The following ITPR3 variants were observed in gnomAD, a reference collection of about 807,000 sequenced individuals.
ITPR3 encodes inositol 1,4,5-trisphosphate-gated calcium channel ITPR3.
ITPR3 carries 173 observed loss-of-function variants against 293.2 expected under a neutral mutation model. The observed-to-expected ratio is 0.59, with a 90% CI of 0.52 to 0.67. The LOEUF is 0.67. Among genes scored for constraint, ITPR3 ranks in the 30% least tolerant of loss-of-function variants. The probability of loss-of-function intolerance (pLI) is 0.00; values close to 1 mark genes in which losing one functional copy is unlikely to be tolerated. For synonymous variants in ITPR3, 1,295 were observed against 1,444.4 expected (o/e 0.90, Z 2.35); for missense variants, 2,796 against 3,592.1 (o/e 0.78, Z 5.66).
chr6:33,684,061 A>C lies in ITPR3; in HGVS notation c.4830A>C (p.Val1610=). ...TGGAGGAGCGGCTGAAGCCCCTGGT[A>C]CAGGCTGAGCTGTCCGTGCTGGTGG... is the stretch of plus-strand genomic sequence containing the variant. ...TALEERLKPL[V]QAELSVLVDV... The change falls in exon 36 of 58, where the codon GTA becomes GTC. Residue 1610 remains valine (V), a synonymous_variant. Transcript: ENST00000605930. The surrounding 1 kb of genome is among the most constrained non-coding windows in gnomAD (Gnocchi z 4.2). 6.2e-7 allele frequency: 1 copy of C among 1,611,496 alleles called. No individual in the cohort carries two copies. The highest frequency in any genetic ancestry group is 8.5e-7 in the Non-Finnish European group (1 of 1,179,896).
rs968695845 is a variant in ITPR3 at position 33,672,538 on chromosome 6, C to T, written c.2928+310C>T. 1.3e-5 allele frequency among the ~76,000 whole-genome samples: 2 copies of T among 151,844 alleles called. No homozygotes were observed. Among genetic ancestry groups the T allele is most frequent in the African/African-American group, 2.4e-5 (1 of 41,312 alleles). On this transcript the variant is annotated intron_variant, in intron 22 of 57. Coordinates refer to ENST00000605930, the MANE Select transcript of ITPR3 (RefSeq NM_002224.4). This position sits in a 1 kb window ranked among gnomAD's most constrained non-coding sequence, Gnocchi z 5.0. ...TTCAAGACCTGCCTGGGTGAGACCC[C>T]GTCTCTATTAAAAAAAATAGTAATA...
Position 33,688,645 on chromosome 6 carries a change from C to G in ITPR3, c.6569-11C>G. 6.2e-7 allele frequency: 1 copy of G among 1,613,990 alleles called. No homozygotes were observed. The highest frequency in any genetic ancestry group is 8.5e-7 in the Non-Finnish European group (1 of 1,179,946). On this transcript the variant is annotated splice_polypyrimidine_tract_variant and intron_variant, in intron 48 of 57. Coordinates refer to ENST00000605930, the MANE Select transcript of ITPR3 (RefSeq NM_002224.4). ...GGCCCTCCAGCAGCTCACCGTTGCCCTCCTCTTCAGGCATGCCGCTGATCT... is the reference window on the plus strand; with the variant it reads ...GGCCCTCCAGCAGCTCACCGTTGCCGTCCTCTTCAGGCATGCCGCTGATCT...
intron 25 of ITPR3, among the ~76,000 whole-genome samples, chr6:33,676,503 G>A (rs1315284735): frequency 6.6e-6 from 1 of 152,256 alleles, no homozygotes; most frequent in Non-Finnish European, 1.5e-5. Flanking sequence ...AGCCACATGT[G>A]ACACTAGTCA....
chr6:33,687,202 T>C lies in ITPR3; in HGVS notation c.6076-24T>C, dbSNP rs200700299. ...GCCCTACCGCCCTAGGAAGAGAGCA[T>C]TGGAACAGGCACTGCCCCTCCAGGT... is the stretch of plus-strand genomic sequence containing the variant. On this transcript the variant is annotated intron_variant, in intron 44 of 57. Transcript: ENST00000605930. This position sits in a 1 kb window ranked among gnomAD's most constrained non-coding sequence, Gnocchi z 5.3. 10 of 1,600,304 alleles carry C rather than the reference T, an allele frequency of 6.2e-6. No homozygotes were observed. The African/African-American group carries it at 8.0e-5, about 13-fold the overall frequency.
At position 33,658,862 on chromosome 6, in the gene ITPR3, G is replaced by A; in HGVS notation, c.528+34G>A. 6.2e-7 allele frequency: 1 copy of A among 1,612,538 alleles called. No homozygotes were observed. Among genetic ancestry groups the A allele is most frequent in the African/African-American group, 1.3e-5 (1 of 75,020 alleles). ...AGGGCCAGGGTTGGAGGGGCCTGGTGGAACTCCCGAGGGGCTTCTGTAGGG... is the reference window on the plus strand; with the variant it reads ...AGGGCCAGGGTTGGAGGGGCCTGGTAGAACTCCCGAGGGGCTTCTGTAGGG... On this transcript the variant is annotated intron_variant, in intron 5 of 57. Coordinates refer to ENST00000605930, the MANE Select transcript of ITPR3 (RefSeq NM_002224.4). The surrounding 1 kb of genome is among the most constrained non-coding windows in gnomAD (Gnocchi z 6.1).
At chr6:33,663,930 GC>G (rs1347156933) in intron 11 of ITPR3, 50 bp downstream of exon 11, 1 of 1,604,354 alleles carries the variant, frequency 6.2e-7, no homozygotes. Flanking sequence ...CTCAGGGTGG[GC>G]CCTCCTGTCT....
Position 33,679,490 on chromosome 6 carries a change from T to C in ITPR3, c.3973-392T>C, listed in dbSNP as rs558806850. Among the ~76,000 whole-genome samples the C allele has an allele frequency of 1.3e-5, 2 of 152,340 alleles. No homozygotes were observed. Among genetic ancestry groups the C allele is most frequent in the East Asian group, 3.9e-4 (2 of 5,186 alleles). On this transcript the variant is annotated intron_variant, in intron 30 of 57. Transcript: ENST00000605930. The surrounding 1 kb of genome is among the most constrained non-coding windows in gnomAD (Gnocchi z 4.2). Reference sequence around the variant, plus strand: ...AGTTTTATTAATTTCTATTATTATATTACTGCGAATAATGCAGTCGCTGGC... The same window carrying C: ...AGTTTTATTAATTTCTATTATTATACTACTGCGAATAATGCAGTCGCTGGC...
At chr6:33,643,549 G>C (rs138417215) in intron 2 of ITPR3, among the ~76,000 whole-genome samples, 1 of 152,226 alleles carries the variant, frequency 6.6e-6, no homozygotes, top group South Asian at 2.1e-4. Context: ...GTAACGTTTC[G>C]GGCTGTGGCT....
At position 33,666,126 on chromosome 6, in the gene ITPR3, T is replaced by G. The variant is rs940393538; in HGVS notation, c.1551+150T>G. On this transcript the variant is annotated intron_variant, in intron 14 of 57. Coordinates refer to ENST00000605930, the MANE Select transcript of ITPR3 (RefSeq NM_002224.4). The surrounding 1 kb of genome is among the most constrained non-coding windows in gnomAD (Gnocchi z 5.1). The stretch of plus-strand genomic sequence containing the variant: ...GACTTCCCTAAGTACCCCACATGTG[T>G]TGACGAATTTGATCCTCACTGCCTG... The G allele has an allele frequency of 4.7e-6, 4 of 859,338 alleles. No homozygotes were observed. The highest frequency in any genetic ancestry group is 6.9e-6 in the Non-Finnish European group (4 of 583,062). 53.2% of individuals were successfully genotyped at this position (859,338 alleles called of 1,614,324 possible).
At chr6:33,642,063 C>T (rs1167993876) in intron 2 of ITPR3, among the ~76,000 whole-genome samples, 1 of 152,202 alleles carries the variant, frequency 6.6e-6, no homozygotes, top group African/African-American at 2.4e-5. Flanking sequence ...GTCTGCCACA[C>T]GGCAGATCCC....
At position 33,690,096 on chromosome 6, in the gene ITPR3, C is replaced by T. The variant is rs201346869; in HGVS notation, c.6930C>T (p.Gly2310=). The T allele has an allele frequency of 1.2e-6, 2 of 1,614,168 alleles. No homozygotes were observed. The highest frequency in any genetic ancestry group is 1.3e-5 in the African/African-American group (1 of 75,018). Residue 2310 remains glycine (G), a synonymous_variant, in exon 51 of 58, where the codon GGC becomes GGT. Coordinates refer to ENST00000605930, the MANE Select transcript of ITPR3 (RefSeq NM_002224.4). Reference sequence around the variant, plus strand: ...GCAACCGTGGCACCTTCATCCGGGGCTATAAGGCCATGGTCATGGACATGG... The same window carrying T: ...GCAACCGTGGCACCTTCATCCGGGGTTATAAGGCCATGGTCATGGACATGG... The part of the protein sequence containing the change: ...FVGNRGTFIR[G]YKAMVMDMEF...
intron 1 of ITPR3, among the ~76,000 whole-genome samples, chr6:33,626,262 G>T (rs1236617433): frequency 6.6e-6 from 1 of 152,152 alleles, no homozygotes; most frequent in African/African-American, 2.4e-5. Context: ...ACAAGGCCCT[G>T]CCTTCTCAGA....
In ITPR3 at chr6:33,662,519, T is replaced by G; in HGVS notation, c.712-9T>G. ...GCAGCCATCCTGAGCCACACCCTGCTGCCTGCAGGGAGACGTGGTGCGGCT... is the reference window on the plus strand; with the variant it reads ...GCAGCCATCCTGAGCCACACCCTGCGGCCTGCAGGGAGACGTGGTGCGGCT... On this transcript the variant is annotated splice_polypyrimidine_tract_variant and intron_variant, in intron 7 of 57. Transcript: ENST00000605930. The G allele has an allele frequency of 6.3e-7, 1 of 1,577,816 alleles. No individual in the cohort carries two copies. The highest frequency in any genetic ancestry group is 8.6e-7 in the Non-Finnish European group (1 of 1,164,750).
Position 33,690,074 on chromosome 6 carries a change from A to AGCC in ITPR3, c.6908_6909insGCC (p.Asn2303delinsLysPro). 6.2e-7 allele frequency: 1 copy of AGCC among 1,614,212 alleles called. No homozygotes were observed. Among genetic ancestry groups the AGCC allele is most frequent in the Non-Finnish European group, 8.5e-7 (1 of 1,180,038 alleles). ...GTGTTTGTGGTGAGCTTCGTGGGCA[A>AGCC]CCGTGGCACCTTCATCCGGGGCTAT... On this transcript the variant is annotated protein_altering_variant, in exon 51 of 58. Coordinates refer to ENST00000605930, the MANE Select transcript of ITPR3 (RefSeq NM_002224.4).
intron 2 of ITPR3, among the ~76,000 whole-genome samples, chr6:33,646,605 C>T (rs971703197): frequency 6.6e-6 from 1 of 151,942 alleles, no homozygotes; most frequent in Non-Finnish European, 1.5e-5. Context: ...CAAACTTCCT[C>T]TCTCTCTCTT....
At chr6:33,671,123 G>C in intron 20 of ITPR3, 42 bp from the exon 21 acceptor site, 1 of 1,608,778 alleles carries the variant, frequency 6.2e-7, no homozygotes, top group Non-Finnish European at 8.5e-7. Context: ...GCCCCTACGC[G>C]CCGGCCCCTC....
At chr6:33,677,212 C>A in intron 27 of ITPR3, 123 bp downstream of exon 27, 1 of 924,880 alleles carries the variant, frequency 1.1e-6, no homozygotes, top group Non-Finnish European at 1.7e-6. Flanking sequence ...AGACATCTTT[C>A]AGCCTTTGCT....
At position 33,678,459 on chromosome 6, in the gene ITPR3, C is replaced by G; in HGVS notation, c.3687C>G (p.His1229Gln). The G allele has an allele frequency of 6.2e-7, 1 of 1,613,794 alleles. No homozygotes were observed. Among genetic ancestry groups the G allele is most frequent in the Non-Finnish European group, 8.5e-7 (1 of 1,180,018 alleles). The change falls in exon 29 of 58, where the codon CAC (histidine) becomes CAG (glutamine). Residue 1229 changes from histidine (H) to glutamine (Q), a missense_variant. Transcript: ENST00000605930. The part of the protein sequence containing the change: ...AKMMEILRYT[H>Q]QFLQKFCAGN... Reference sequence around the variant, plus strand: ...TGATGGAGATCCTGCGCTACACGCACCAGTTCCTGCAGAAGTTCTGTGCAG... The same window carrying G: ...TGATGGAGATCCTGCGCTACACGCAGCAGTTCCTGCAGAAGTTCTGTGCAG...
At chr6:33,676,739 C>T in intron 25 of ITPR3, 29 bp from the exon 26 acceptor site, 1 of 1,611,862 alleles carries the variant, frequency 6.2e-7, no homozygotes, top group Non-Finnish European at 8.5e-7. Context: ...GAGCCCATCT[C>T]ACCAGCCAGG....
Sources: gnomAD v4.1 joint callset for allele counts (sites outside exome capture counted in the v4.1 genomes callset) on GRCh38, gnomAD v4.1.1 for gene constraint, Gnocchi (gnomAD v3.1) non-coding constraint, MANE v1.5 for transcripts, NCBI Gene and HGNC (gene_info 2026-07-23, HGNC 2026-07-21) for gene names.